The following NFIB variants were observed in gnomAD, a reference collection of about 807,000 sequenced individuals.
NFIB encodes the protein nuclear factor I B.
In NFIB, 11 loss-of-function variants were observed where a neutral mutation model predicts 61.5. The observed-to-expected ratio is 0.18, with a 90% CI of 0.11 to 0.30. The LOEUF is 0.30. Ranked by LOEUF, NFIB falls within the 10% of genes least tolerant of loss-of-function variation. The pLI is 1.00. For synonymous variants in NFIB, 260 were observed against 216.5 expected (o/e 1.20, Z -1.76); for missense variants, 471 against 608.9 (o/e 0.77, Z 2.38).
chr9:14,134,209 C>T (rs1025492461), intron 6 of NFIB, among the ~76,000 whole-genome samples: 27 of 152,154 alleles, frequency 1.8e-4, no homozygotes, highest in African/African-American at 6.5e-4. Context: ...GAAATTATTA[C>T]GGCTTATAAC....
chr9:14,478,221 C>T, the NFIB span, among the ~76,000 whole-genome samples: 1 of 152,172 alleles, frequency 6.6e-6, no homozygotes, highest in Non-Finnish European at 1.5e-5. Flanking sequence ...CTAGGAAGCA[C>T]ACAGCAAGCT....
At chr9:14,123,552 A>G (rs915810538) in intron 7 of NFIB, among the ~76,000 whole-genome samples, 2 of 152,226 alleles carry the variant, frequency 1.3e-5, no homozygotes, top group African/African-American at 4.8e-5. Flanking sequence ...ACACAACCTC[A>G]GGTACTCTGA....
intron 2 of NFIB, among the ~76,000 whole-genome samples, chr9:14,285,962 G>T (rs75210575): frequency 2.0e-5 from 3 of 150,982 alleles, no homozygotes; most frequent in African/African-American, 5.0e-5. Context: ...GCAAAAACAA[G>T]ATTTTAGATA....
the NFIB span, among the ~76,000 whole-genome samples, chr9:14,519,449 G>A: frequency 6.6e-6 from 1 of 152,144 alleles, no homozygotes; most frequent in African/African-American, 2.4e-5. Context: ...GTGGAAATTG[G>A]TTGAGCCTAA....
At chr9:14,139,047 GAA>G (rs1190827472) in intron 6 of NFIB, among the ~76,000 whole-genome samples, 1 of 152,066 alleles carries the variant, frequency 6.6e-6, no homozygotes, top group East Asian at 1.9e-4. Flanking sequence ...AGCTTTCCAA[GAA>G]AAGTGTCCCT....
chr9:14,313,720 G>C lies in NFIB; in HGVS notation c.-209C>G. The C allele has an allele frequency of 7.1e-7, 1 of 1,409,788 alleles. No individual in the cohort carries two copies. Among genetic ancestry groups the C allele is most frequent in the African/African-American group, 1.5e-5 (1 of 68,568 alleles). 87.3% of individuals were successfully genotyped at this position (1,409,788 alleles called of 1,614,324 possible). ...TTCACTCGGCGTGCTAGATTTCCAG[G>C]GGTGAAATCCAATCTACACTTTTAA... On this transcript the variant is annotated 5_prime_UTR_variant, in exon 1 of 11. Transcript: ENST00000380953. This position sits in a 1 kb window ranked among gnomAD's most constrained non-coding sequence, Gnocchi z 4.5.
At chr9:14,238,694 A>C (rs1466582390) in intron 2 of NFIB, among the ~76,000 whole-genome samples, 2 of 152,112 alleles carry the variant, frequency 1.3e-5, no homozygotes, top group Non-Finnish European at 2.9e-5. Flanking sequence ...GCTGCATCCT[A>C]GTATTTCATT....
intron 3 of NFIB, among the ~76,000 whole-genome samples, chr9:14,160,576 T>G (rs957185319): frequency 1.3e-5 from 2 of 152,172 alleles, no homozygotes; most frequent in African/African-American, 4.8e-5. Context: ...TAAACAGATT[T>G]GTCATCCAAT....
At chr9:14,385,898 T>C (rs2061544202) in intron 1 of NFIB, among the ~76,000 whole-genome samples, 1 of 151,874 alleles carries the variant, frequency 6.6e-6, no homozygotes, top group Non-Finnish European at 1.5e-5. Flanking sequence ...TTCTCCTGTC[T>C]CAGCCTTTTG....
chr9:14,288,995 T>C lies in NFIB; in HGVS notation c.562+17994A>G, dbSNP rs543431013. 4.6e-5 allele frequency among the ~76,000 whole-genome samples: 7 copies of C among 151,682 alleles called. No homozygotes were observed. In the South Asian group the frequency reaches 1.2e-3, roughly 27 times the overall value. ...TATGATGATACATACGGAATCATAT[T>C]AAACACATACCAAAATAAAAGGATT... is the stretch of plus-strand genomic sequence containing the variant. On this transcript the variant is annotated intron_variant, in intron 2 of 10. Transcript: ENST00000380953.
chr9:14,474,910 G>A, the NFIB span, among the ~76,000 whole-genome samples: 8 of 152,330 alleles, frequency 5.3e-5, no homozygotes, highest in South Asian at 1.7e-3. Context: ...AGTTTAAGCA[G>A]AGAGGGAATT....
intron 2 of NFIB, among the ~76,000 whole-genome samples, chr9:14,230,913 A>G (rs1009576487): frequency 5.3e-5 from 8 of 151,652 alleles, no homozygotes; most frequent in Non-Finnish European, 7.4e-5. Flanking sequence ...ACTTTCCACA[A>G]TCATCCCTCA....
chr9:14,203,725 C>A (rs962664439), intron 2 of NFIB, among the ~76,000 whole-genome samples: 2 of 152,234 alleles, frequency 1.3e-5, no homozygotes, highest in African/African-American at 2.4e-5. Context: ...GTATTTCCCT[C>A]ATAAATAAGA....
chr9:14,120,269 C>A lies in NFIB; in HGVS notation c.1245+171G>T, dbSNP rs1230490837. Among the ~76,000 whole-genome samples, 1 of 152,226 alleles carries A rather than the reference C, an allele frequency of 6.6e-6. No individual in the cohort carries two copies. Among genetic ancestry groups the A allele is most frequent in the Non-Finnish European group, 1.5e-5 (1 of 68,048 alleles). On this transcript the variant is annotated intron_variant, in intron 8 of 10. Coordinates refer to ENST00000380953, the MANE Select transcript of NFIB (RefSeq NM_001190737.2). The surrounding 1 kb of genome is among the most constrained non-coding windows in gnomAD (Gnocchi z 4.4). ...TTGGGGCAACACACTTCCTACCTGT[C>A]ATTCAGCCACCTTTAAATAAAAACT...
At chr9:14,153,018 AAAG>A (rs1364443953) in intron 4 of NFIB, among the ~76,000 whole-genome samples, 9 of 152,122 alleles carry the variant, frequency 5.9e-5, no homozygotes, top group Non-Finnish European at 8.8e-5. Context: ...AATAGCAAAA[AAAG>A]AAGATTTGAA....
chr9:14,396,364 T>C (rs1284090683), intron 1 of NFIB, among the ~76,000 whole-genome samples: 3 of 152,084 alleles, frequency 2.0e-5, no homozygotes, highest in African/African-American at 7.2e-5. Context: ...TGCTCCAAAA[T>C]AACGACTGTG....
intron 6 of NFIB, among the ~76,000 whole-genome samples, chr9:14,137,686 A>G (rs1368508141): frequency 6.6e-6 from 1 of 152,190 alleles, no homozygotes; most frequent in Non-Finnish European, 1.5e-5. Context: ...AAAGACTAGA[A>G]CAGAACTAAA....
the NFIB span, among the ~76,000 whole-genome samples, chr9:14,485,302 A>G: frequency 2.6e-5 from 4 of 152,204 alleles, no homozygotes; most frequent in South Asian, 8.3e-4. Context: ...AAAGCCCCTC[A>G]TTTATATTTA....
At chr9:14,202,873 G>A (rs1329887265) in intron 2 of NFIB, among the ~76,000 whole-genome samples, 1 of 152,106 alleles carries the variant, frequency 6.6e-6, no homozygotes, top group Non-Finnish European at 1.5e-5. Context: ...AGCTGAAAAC[G>A]ATCTATTGAC....
Sources: allele counts gnomAD v4.1 joint callset (sites outside exome capture counted in the v4.1 genomes callset), GRCh38; gene constraint gnomAD v4.1.1; non-coding constraint Gnocchi (gnomAD v3.1); transcripts MANE v1.5; gene names NCBI Gene and HGNC (gene_info 2026-07-23, HGNC 2026-07-21).